The following KIAA0586 variants were observed in gnomAD, a reference collection of about 807,000 sequenced individuals.
The protein encoded by KIAA0586 is protein TALPID3.
Under a neutral mutation model 169.8 loss-of-function variants are expected in KIAA0586, and 144 were observed. That is an observed-to-expected ratio of 0.85 (90% CI 0.74 to 0.97). KIAA0586 has a LOEUF of 0.97. KIAA0586 is among the 50% of genes least tolerant of loss of function. KIAA0586 has a pLI of 0.00. For missense variants in KIAA0586, 1,854 were observed against 1,823.0 expected, an observed-to-expected ratio of 1.02 and a Z score of -0.31; for synonymous variants, 625 against 612.4, an observed-to-expected ratio of 1.02 and a Z score of -0.30.
intron 29 of KIAA0586, chr14:58,521,327 A>G: frequency 9.3e-7 from 1 of 1,073,162 alleles, no homozygotes; most frequent in East Asian, 3.0e-5. Flanking sequence ...ATGTGGAGGC[A>G]GTCTTTTCAA....
intron 27 of KIAA0586, among the ~76,000 whole-genome samples, chr14:58,503,704 G>A (rs2043737368): frequency 6.6e-6 from 1 of 151,998 alleles, no homozygotes; most frequent in Admixed American, 6.5e-5. Flanking sequence ...CATAGATGAG[G>A]GAAGTCTTGC....
Position 58,467,830 on chromosome 14 carries a change from T to C in KIAA0586, c.2350T>C (p.Ser784Pro), listed in dbSNP as rs777896750. ...VTVTTSIPPS[S>P]RKVETGVKKP... ...TGTGACTACTTCTATTCCTCCATCA[T>C]CTCGAAAAGTAGAAACTGGAGTAAA... Residue 784 changes from serine to proline, a missense_variant, in exon 16 of 31, where the codon TCT (serine) becomes CCT (proline). Ser to Pro is a moderately conservative substitution (Grantham distance 74). Coordinates refer to ENST00000652326, the MANE Select transcript of KIAA0586 (RefSeq NM_001329943.3). 7 of 1,613,574 alleles carry C rather than the reference T, an allele frequency of 4.3e-6. No individual in the cohort carries two copies. The highest frequency in any genetic ancestry group is 5.9e-6 in the Non-Finnish European group (7 of 1,179,684).
chr14:58,542,219 C>CTT (rs1295384956), intron 30 of KIAA0586, among the ~76,000 whole-genome samples: 1 of 152,124 alleles, frequency 6.6e-6, no homozygotes, highest in Non-Finnish European at 1.5e-5. Flanking sequence ...TGGCTCACGC[C>CTT]TGTAATCCCA....
At chr14:58,454,935 C>G (rs907836391) in intron 9 of KIAA0586, among the ~76,000 whole-genome samples, 1 of 152,178 alleles carries the variant, frequency 6.6e-6, no homozygotes, top group African/African-American at 2.4e-5. Flanking sequence ...CTTTTGGACT[C>G]TGTGGTTTCT....
At chr14:58,531,337 AAAAAT>A (rs1396929721) in intron 29 of KIAA0586, among the ~76,000 whole-genome samples, 1 of 147,378 alleles carries the variant, frequency 6.8e-6, no homozygotes, top group Non-Finnish European at 1.5e-5. Flanking sequence ...AAAAAAAAAA[AAAAAT>A]AAAATAAATA....
intron 7 of KIAA0586, 124 bp from the exon 8 acceptor site, chr14:58,450,455 C>T (rs2039271979): frequency 1.3e-5 from 8 of 613,840 alleles, no homozygotes; most frequent in Non-Finnish European, 2.3e-5. Context: ...TTTCTCTACA[C>T]TTAATAATTT....
chr14:58,534,161 A>G (rs913468370), intron 29 of KIAA0586, among the ~76,000 whole-genome samples: 1 of 152,198 alleles, frequency 6.6e-6, no homozygotes, highest in Non-Finnish European at 1.5e-5. Flanking sequence ...ATCTCAGAAA[A>G]TAGATTTTCT....
At chr14:58,439,109 C>G (rs1203185965) in intron 4 of KIAA0586, among the ~76,000 whole-genome samples, 1 of 152,156 alleles carries the variant, frequency 6.6e-6, no homozygotes, top group Admixed American at 6.6e-5. Context: ...GAATTGGGCC[C>G]TAACTCTACC....
At chr14:58,484,878 TTA>T (rs1333737964) in intron 21 of KIAA0586, among the ~76,000 whole-genome samples, 1 of 51,002 alleles carries the variant, frequency 2.0e-5, no homozygotes, top group South Asian at 8.6e-4. Flanking sequence ...TTTATATATA[TTA>T]TATATATATT....
chr14:58,525,937 C>G (rs923257247), intron 29 of KIAA0586, among the ~76,000 whole-genome samples: 1 of 152,196 alleles, frequency 6.6e-6, no homozygotes, highest in African/African-American at 2.4e-5. Context: ...GTAAACAAAG[C>G]CGCCAGGAAG....
intron 15 of KIAA0586, 22 bp from the exon 16 acceptor site, chr14:58,467,713 T>C: frequency 6.4e-7 from 1 of 1,566,222 alleles, no homozygotes; most frequent in Non-Finnish European, 8.7e-7. Flanking sequence ...AGTTGACTTA[T>C]TTTTTCTCCT....
chr14:58,536,245 A>C (rs1183936722), intron 29 of KIAA0586, among the ~76,000 whole-genome samples: 2 of 152,124 alleles, frequency 1.3e-5, no homozygotes, highest in Non-Finnish European at 2.9e-5. Flanking sequence ...TAATGTACCC[A>C]TTACCCAAAT....
intron 29 of KIAA0586, among the ~76,000 whole-genome samples, chr14:58,514,344 A>G (rs1328312012): frequency 6.6e-6 from 1 of 152,098 alleles, no homozygotes; most frequent in African/African-American, 2.4e-5. Flanking sequence ...TCTCATACAT[A>G]GAAACCTTGA....
At position 58,484,924 on chromosome 14, in the gene KIAA0586, A is replaced by ATAAATATATATTTTTT. The variant is rs1566877360; in HGVS notation, c.3145-2082_3145-2081insAAATATATATTTTTTT. On this transcript the variant is annotated intron_variant, in intron 21 of 30. Transcript: ENST00000652326. ...TATATATATATATATATATATATAT[A>ATAAATATATATTTTTT]TTTTTTTTTTTTTTTTTTTTTTTTT... is the stretch of plus-strand genomic sequence containing the variant. Among the ~76,000 whole-genome samples the ATAAATATATATTTTTT allele has an allele frequency of 9.0e-3, 118 of 13,054 alleles. 10 individuals are homozygous for ATAAATATATATTTTTT. The highest frequency in any genetic ancestry group is 0.014 in the Non-Finnish European group (102 of 7,526). 8.6% of individuals were successfully genotyped at this position (13,054 alleles called of 152,430 possible).
chr14:58,498,669 T>C, intron 26 of KIAA0586, 114 bp from the exon 27 acceptor site: 1 of 859,554 alleles, frequency 1.2e-6, no homozygotes, highest in South Asian at 2.4e-5. Flanking sequence ...GAAGGCAGTT[T>C]GTAAAATACC....
chr14:58,460,345 A>C (rs1405691555), intron 13 of KIAA0586, among the ~76,000 whole-genome samples: 6 of 152,124 alleles, frequency 3.9e-5, no homozygotes, highest in Non-Finnish European at 5.9e-5. Flanking sequence ...GAGATCATCT[A>C]GTCCAAAAAC....
At chr14:58,475,812 A>G (rs910643338) in intron 19 of KIAA0586, among the ~76,000 whole-genome samples, 1 of 152,222 alleles carries the variant, frequency 6.6e-6, no homozygotes, top group Admixed American at 6.5e-5. Flanking sequence ...CTCAAAAGTA[A>G]GTAGGCAGCT....
chr14:58,492,933 T>A lies in KIAA0586; in HGVS notation c.3990+658T>A, dbSNP rs77370185. ...AACTTTAGATGAAGAATCAGATACA[T>A]CTGGAGAAGGAGATTGAACCAGATG... is the stretch of plus-strand genomic sequence containing the variant. On this transcript the variant is annotated intron_variant, in intron 26 of 30. Transcript: ENST00000652326. Among the ~76,000 whole-genome samples the A allele has an allele frequency of 5.6e-3, 860 of 152,326 alleles. 3 individuals are homozygous for A. The highest frequency in any genetic ancestry group is 0.01 in the Middle Eastern group (3 of 294).
At position 58,453,484 on chromosome 14, in the gene KIAA0586, G is replaced by T; in HGVS notation, c.1253+11G>T. 1 of 1,479,946 alleles carries T rather than the reference G, an allele frequency of 6.8e-7. No homozygotes were observed. The highest frequency in any genetic ancestry group is 1.4e-5 in the South Asian group (1 of 68,996). The allele number at this position is 1,479,946 out of a possible 1,614,324, so 91.7% of individuals were successfully genotyped here. A position where few individuals can be genotyped will look rare whatever the true frequency, so the allele number is the denominator to read the frequency against. On this transcript the variant is annotated intron_variant, in intron 9 of 30. Transcript: ENST00000652326. ...TGAGAAAACAAACAGGTAAAAACAA[G>T]AGATTGGAATGAAAACTAGATTGAA... is the stretch of plus-strand genomic sequence containing the variant.
Sources: allele counts gnomAD v4.1 joint callset (sites outside exome capture counted in the v4.1 genomes callset), GRCh38; gene constraint gnomAD v4.1.1; transcripts MANE v1.5; gene names NCBI Gene and HGNC (gene_info 2026-07-23, HGNC 2026-07-21).